The following NPC1 variants were observed in gnomAD, a reference collection of about 807,000 sequenced individuals.
NPC1 encodes NPC intracellular cholesterol transporter 1, also known as Niemann-Pick C1 protein.
Under a neutral mutation model 140.4 loss-of-function variants are expected in NPC1, and 85 were observed. The observed-to-expected ratio is 0.61, with a 90% CI of 0.51 to 0.72. The LOEUF is 0.72. Ranked by LOEUF, NPC1 falls within the 30% of genes least tolerant of loss-of-function variation. NPC1 has a pLI of 0.00. For missense variants in NPC1, 1,504 were observed against 1,623.8 expected (o/e 0.93, Z 1.27); for synonymous variants, 656 against 624.8 (o/e 1.05, Z -0.74).
intron 20 of NPC1, among the ~76,000 whole-genome samples, chr18:23,538,135 A>G (rs773587552): frequency 3.3e-5 from 5 of 152,132 alleles, no homozygotes; most frequent in Non-Finnish European, 5.9e-5. Context: ...AAGAATCGCA[A>G]CCTTAATGTG....
intron 20 of NPC1, among the ~76,000 whole-genome samples, chr18:23,537,624 G>A (rs1333903726): frequency 1.3e-5 from 2 of 152,178 alleles, no homozygotes; most frequent in Non-Finnish European, 2.9e-5. Context: ...CTACTCATAG[G>A]CTGCGTGATG....
chr18:23,567,313 G>A (rs1439528872), intron 4 of NPC1, among the ~76,000 whole-genome samples: 3 of 152,158 alleles, frequency 2.0e-5, no homozygotes, highest in Admixed American at 1.3e-4. Flanking sequence ...TGTTGAAAGC[G>A]TCTTGAATTT....
chr18:23,534,622 C>G lies in NPC1; in HGVS notation c.3478-63G>C. The G allele has an allele frequency of 5.3e-6, 7 of 1,321,464 alleles. 1 individual carries two copies. The South Asian group carries it at 8.6e-5, about 16-fold the overall frequency. 81.9% of individuals were successfully genotyped at this position (1,321,464 alleles called of 1,614,324 possible). ...TGTTGAAGACCCTAGGCAGCCACCC[C>G]GTTCTGAGGATGGGTGCTAATTACC... On this transcript the variant is annotated intron_variant, in intron 22 of 24. Transcript: ENST00000269228.
At chr18:23,534,107 C>A in intron 23 of NPC1, 1 of 462,054 alleles carries the variant, frequency 2.2e-6, no homozygotes, top group Admixed American at 3.4e-5. Flanking sequence ...TAGAGTTGAA[C>A]CAAGACGACT....
Position 23,554,779 on chromosome 18 carries a change from G to A in NPC1, c.1532C>T (p.Thr511Met), listed in dbSNP as rs13381670. ...TTACCGTACGCAGTACAGAAAGTGC[G>A]TGTGGTAATCGGCATACACAAAGAA... Reference protein sequence around the residue: ...DDFFVYADYHTHFLYCVRAPA... With the variant: ...DDFFVYADYHMHFLYCVRAPA... The change falls in exon 9 of 25, where the codon ACG becomes ATG. Residue 511 changes from threonine (T) to methionine (M), a missense_variant. Thr to Met is a moderately conservative substitution (Grantham distance 81). Transcript: ENST00000269228. The A allele has an allele frequency of 5.0e-4, 804 of 1,613,868 alleles. 4 individuals are homozygous for A. The African/African-American group carries it at 9.4e-3, about 19-fold the overall frequency.
intron 3 of NPC1, chr18:23,516,562 G>C: frequency 1.2e-6 from 1 of 801,058 alleles, no homozygotes. Context: ...TGGGTATTCA[G>C]TGTATAGGTC....
intron 1 of NPC1, among the ~76,000 whole-genome samples, chr18:23,579,822 T>C (rs576820341): frequency 1.8e-4 from 27 of 149,794 alleles, no homozygotes; most frequent in Admixed American, 1.3e-3. Context: ...GAGGCGGAGG[T>C]TGCAGTAAGC....
downstream of NPC1, chr18:23,530,431 C>T (rs552542656): frequency 1.9e-6 from 3 of 1,614,256 alleles, no homozygotes; most frequent in Admixed American, 5.0e-5. Context: ...TTCTCCTTTC[C>T]AAACACCAAG....
rs147021046 is a variant in NPC1 at position 23,545,141 on chromosome 18, T to C, written c.1766A>G (p.Asn589Ser). Residue 589 changes from asparagine to serine, a missense_variant, in exon 12 of 25, where the codon AAT becomes AGT. Asn to Ser is a conservative substitution (Grantham distance 46, BLOSUM62 1). Transcript: ENST00000269228. Reference sequence around the variant, plus strand: ...GGGATTCTTGTAGTTTTTCACAAAATTAATAAACCTAAAAGGTAAGCAAAA... The same window carrying C: ...GGGATTCTTGTAGTTTTTCACAAAACTAATAAACCTAAAAGGTAAGCAAAA... Reference protein sequence around the residue: ...RAQAWEKEFINFVKNYKNPNL... With the variant: ...RAQAWEKEFISFVKNYKNPNL... 7.0e-5 allele frequency: 112 copies of C among 1,608,578 alleles called. No individual in the cohort carries two copies. In the African/African-American group the frequency reaches 1.4e-3, roughly 20 times the overall value.
In NPC1 at chr18:23,561,453, C is replaced by A. The variant is rs764095517; in HGVS notation, c.538G>T (p.Asp180Tyr). 5.6e-6 allele frequency: 9 copies of A among 1,614,090 alleles called. No individual in the cohort carries two copies. Among genetic ancestry groups the A allele is most frequent in the Admixed American group, 3.3e-5 (2 of 60,012 alleles). The change falls in exon 5 of 25, where the codon GAC becomes TAC. Residue 180 changes from aspartate (D) to tyrosine (Y), a missense_variant. Asp to Tyr is a radical substitution (Grantham distance 160, BLOSUM62 -3). Coordinates refer to ENST00000269228, the MANE Select transcript of NPC1 (RefSeq NM_000271.5). The part of the protein sequence containing the change: ...DKALGLLCGK[D>Y]ADACNATNWI... ...TTGGTGGCATTACAGGCGTCAGCGT[C>A]CTTCCCACACAGGAGTCCCAGGGCC...
intron 4 of NPC1, among the ~76,000 whole-genome samples, chr18:23,564,793 T>G (rs2059098539): frequency 6.6e-6 from 1 of 152,222 alleles, no homozygotes; most frequent in African/African-American, 2.4e-5. Flanking sequence ...TTTTATAGTT[T>G]TTAGCTCTTA....
Position 23,531,697 on chromosome 18 carries a change from CA to C in NPC1, c.*504del. The C allele has an allele frequency of 6.2e-7, 1 of 1,607,808 alleles. No homozygotes were observed. The highest frequency in any genetic ancestry group is 8.5e-7 in the Non-Finnish European group (1 of 1,178,680). ...GACCAAGCTCTAATGAGGCCTACAA[CA>C]TTCTGAAATCACTTGCTGTTTTTTT... is the stretch of plus-strand genomic sequence containing the variant. On this transcript the variant is annotated 3_prime_UTR_variant, in exon 25 of 25. Transcript: ENST00000269228.
Position 23,532,004 on chromosome 18 carries a change from G to GCCTCCA in NPC1, c.*192_*197dup. The GCCTCCA allele has an allele frequency of 6.7e-7, 1 of 1,483,796 alleles. No individual in the cohort carries two copies. Among genetic ancestry groups the GCCTCCA allele is most frequent in the Non-Finnish European group, 8.9e-7 (1 of 1,121,968 alleles). The allele number at this position is 1,483,796 out of a possible 1,614,324, so 91.9% of individuals were successfully genotyped here. On this transcript the variant is annotated 3_prime_UTR_variant, in exon 25 of 25. Transcript: ENST00000269228. Reference sequence around the variant, plus strand: ...GGGAGAAGTTTAGTGTCCTGTGGTTGCCTCCAGATCTAGTAATACTGCTTC... The same window carrying GCCTCCA: ...GGGAGAAGTTTAGTGTCCTGTGGTTGCCTCCACCTCCAGATCTAGTAATACTGCTTC...
At chr18:23,529,507 C>A, downstream of NPC1, 3 of 1,252,060 alleles carry the variant, frequency 2.4e-6, no homozygotes, top group South Asian at 1.3e-5. Context: ...GCGATGTGTG[C>A]AAAACCAGTG....
downstream of NPC1, chr18:23,519,294 G>C (rs1236126480): frequency 1.2e-6 from 1 of 807,870 alleles, no homozygotes; most frequent in Admixed American, 2.2e-5. Context: ...AAGGCGGACA[G>C]ATTGCTTGAG....
chr18:23,574,979 T>C (rs112665786), intron 1 of NPC1, among the ~76,000 whole-genome samples: 15 of 152,212 alleles, frequency 9.9e-5, no homozygotes, highest in African/African-American at 3.1e-4. Flanking sequence ...TAACTAAAGT[T>C]TGAAAAGGCA....
chr18:23,537,066 GCTT>G (rs763880404), intron 20 of NPC1, among the ~76,000 whole-genome samples, 190 bp from the exon 21 acceptor site: 23 of 152,028 alleles, frequency 1.5e-4, no homozygotes, highest in Non-Finnish European at 2.4e-4. Flanking sequence ...TCCCAGACTG[GCTT>G]CTTTTTTTTT....
rs780100866 is a variant in NPC1 at position 23,554,790 on chromosome 18, G to C, written c.1521C>G (p.Ala507=). 4.3e-6 allele frequency: 7 copies of C among 1,613,812 alleles called. No homozygotes were observed. Among genetic ancestry groups the C allele is most frequent in the Non-Finnish European group, 1.7e-6 (2 of 1,179,922 alleles). ...AGTACAGAAAGTGCGTGTGGTAATC[G>C]GCATACACAAAGAAGTCGTCCCCTT... ...HKKGDDFFVY[A]DYHTHFLYCV... The change falls in exon 9 of 25, where the codon GCC becomes GCG. Residue 507 remains alanine (A), a synonymous_variant. Coordinates refer to ENST00000269228, the MANE Select transcript of NPC1 (RefSeq NM_000271.5).
chr18:23,516,420 C>G, intron 3 of NPC1: 2 of 1,613,380 alleles, frequency 1.2e-6, no homozygotes. Flanking sequence ...GCAATGGCTA[C>G]CATGTATGTC....
Sources: gnomAD v4.1 joint callset for allele counts (sites outside exome capture counted in the v4.1 genomes callset) on GRCh38, gnomAD v4.1.1 for gene constraint, MANE v1.5 for transcripts, NCBI Gene and HGNC (gene_info 2026-07-23, HGNC 2026-07-21) for gene names.